ANKS1B: variants seen among roughly 807,000 people sequenced by gnomAD.
ANKS1B encodes the protein ankyrin repeat and sterile alpha motif domain containing 1B.
Under a neutral mutation model 148.3 loss-of-function variants are expected in ANKS1B, and 36 were observed. The ratio of observed to expected loss-of-function variants is 0.24; its 90% confidence interval spans 0.19 to 0.32. The LOEUF (loss-of-function observed/expected upper bound fraction) is 0.32. ANKS1B is among the 10% of genes least tolerant of loss of function. The probability of loss-of-function intolerance (pLI) is 1.00; values close to 1 mark genes in which losing one functional copy is unlikely to be tolerated. For missense variants in ANKS1B, 1,157 were observed against 1,542.6 expected, an observed-to-expected ratio of 0.75 and a Z score of 4.19; for synonymous variants, 542 against 560.8, an observed-to-expected ratio of 0.97 and a Z score of 0.47.
intron 9 of ANKS1B, among the ~76,000 whole-genome samples, chr12:99,518,309 T>G (rs1012820498): frequency 1.3e-5 from 2 of 152,108 alleles, no homozygotes; most frequent in African/African-American, 4.8e-5. Context: ...TTTAAATGTT[T>G]GGTAGAATTC....
rs112109742 is a variant in ANKS1B at position 99,297,905 on chromosome 12, CT to C, written c.1757-51042del. ...CCAAGTTTCCCTGTGGCTTAGATAC[CT>C]TTTTTTTTTGCTTTGTTTTTAATTA... On this transcript the variant is annotated intron_variant, in intron 12 of 26. Transcript: ENST00000683438. Among the ~76,000 whole-genome samples the C allele has an allele frequency of 1.9e-3, 277 of 147,518 alleles. 1 individual carries two copies. Among genetic ancestry groups the C allele is most frequent in the African/African-American group, 6.0e-3 (242 of 40,300 alleles).
intron 17 of ANKS1B, among the ~76,000 whole-genome samples, chr12:99,004,162 T>C (rs1043095238): frequency 5.9e-5 from 9 of 152,100 alleles, no homozygotes; most frequent in Admixed American, 4.6e-4. Flanking sequence ...CGTGGAGCCA[T>C]GGAATGAACA....
chr12:99,801,337 TA>T (rs936388386), intron 4 of ANKS1B, among the ~76,000 whole-genome samples: 2 of 152,082 alleles, frequency 1.3e-5, no homozygotes, highest in African/African-American at 4.8e-5. Flanking sequence ...ACCAGTGAAC[TA>T]AATGAAAACC....
At chr12:99,919,974 A>G (rs887157656) in intron 1 of ANKS1B, among the ~76,000 whole-genome samples, 10 of 152,142 alleles carry the variant, frequency 6.6e-5, no homozygotes, top group Admixed American at 5.2e-4. Flanking sequence ...TTAAATTTAC[A>G]TAAGTGGTTT....
chr12:98,830,111 G>A (rs1158785581), intron 18 of ANKS1B, among the ~76,000 whole-genome samples: 1 of 152,126 alleles, frequency 6.6e-6, no homozygotes, highest in East Asian at 1.9e-4. Flanking sequence ...GAGCCAGAAT[G>A]AGAGGTTCAG....
intron 1 of ANKS1B, among the ~76,000 whole-genome samples, chr12:99,942,671 T>C (rs2094949474): frequency 6.6e-6 from 1 of 152,124 alleles, no homozygotes; most frequent in Non-Finnish European, 1.5e-5. Flanking sequence ...CATAAAATAC[T>C]TGATGTATTC....
chr12:99,364,215 G>A (rs2092643716), intron 12 of ANKS1B, among the ~76,000 whole-genome samples: 2 of 152,094 alleles, frequency 1.3e-5, no homozygotes, highest in East Asian at 3.9e-4. Context: ...ATGGACTCAT[G>A]CAAAGTACAG....
chr12:99,819,033 T>C (rs1441565673), intron 2 of ANKS1B, among the ~76,000 whole-genome samples: 1 of 151,842 alleles, frequency 6.6e-6, no homozygotes, highest in Non-Finnish European at 1.5e-5. Flanking sequence ...TGCTTGTTGA[T>C]TGAGTCCAAA....
intron 14 of ANKS1B, among the ~76,000 whole-genome samples, chr12:99,209,967 C>T (rs1045972227): frequency 1.3e-5 from 2 of 152,154 alleles, no homozygotes; most frequent in African/African-American, 4.8e-5. Flanking sequence ...CTCCCCTACA[C>T]AGAAACATTC....
chr12:99,803,275 A>AAC (rs1555620505), intron 4 of ANKS1B, among the ~76,000 whole-genome samples: 2 of 89,846 alleles, frequency 2.2e-5, no homozygotes, highest in African/African-American at 4.1e-5. Flanking sequence ...TTAAATATTC[A>AAC]CCCCCCCCCA....
intron 9 of ANKS1B, among the ~76,000 whole-genome samples, chr12:99,539,907 G>T (rs908326764): frequency 1.3e-5 from 2 of 151,906 alleles, no homozygotes; most frequent in African/African-American, 2.4e-5. Flanking sequence ...TCCACATGTT[G>T]TCCATAAAAG....
intron 4 of ANKS1B, among the ~76,000 whole-genome samples, chr12:99,798,489 G>A (rs1602377374): frequency 6.6e-6 from 1 of 150,994 alleles, no homozygotes; most frequent in Admixed American, 6.6e-5. Context: ...AACATATGAT[G>A]TCTGAACAAG....
intron 9 of ANKS1B, among the ~76,000 whole-genome samples, chr12:99,556,615 T>C (rs189514523): frequency 6.0e-4 from 92 of 152,346 alleles, no homozygotes; most frequent in Admixed American, 6.0e-3. Flanking sequence ...CTGCTTTAGC[T>C]ATGTCCCAGA....
At chr12:99,532,545 A>T (rs1396649076) in intron 9 of ANKS1B, among the ~76,000 whole-genome samples, 1 of 152,070 alleles carries the variant, frequency 6.6e-6, no homozygotes, top group African/African-American at 2.4e-5. Flanking sequence ...CATTTTTAGT[A>T]CAGACGGGGT....
intron 9 of ANKS1B, among the ~76,000 whole-genome samples, chr12:99,512,276 A>C (rs1410851710): frequency 6.6e-6 from 1 of 152,128 alleles, no homozygotes; most frequent in Non-Finnish European, 1.5e-5. Context: ...AAAAAAAGAC[A>C]TTCATTGTCC....
At chr12:98,740,948 A>C (rs2097795497), downstream of ANKS1B, among the ~76,000 whole-genome samples, 1 of 152,164 alleles carries the variant, frequency 6.6e-6, no homozygotes, top group Non-Finnish European at 1.5e-5. Context: ...TGTGACAATG[A>C]GGCAATCTTG....
At chr12:98,847,651 A>G (rs2099488995) in intron 17 of ANKS1B, among the ~76,000 whole-genome samples, 1 of 152,044 alleles carries the variant, frequency 6.6e-6, no homozygotes, top group Admixed American at 6.6e-5. Flanking sequence ...GCTGGAGTGC[A>G]GTGGAGAGAT....
At chr12:98,975,105 A>G (rs1240403798) in intron 17 of ANKS1B, among the ~76,000 whole-genome samples, 1 of 90,820 alleles carries the variant, frequency 1.1e-5, no homozygotes, top group South Asian at 3.7e-4. Flanking sequence ...CCTCCCTCCT[A>G]CTTTCTTCTG....
intron 1 of ANKS1B, among the ~76,000 whole-genome samples, chr12:99,839,204 C>T (rs1235076627): frequency 6.6e-6 from 1 of 151,938 alleles, no homozygotes; most frequent in East Asian, 1.9e-4. Flanking sequence ...AGCAATACCT[C>T]ATCTTTAAAA....
Sources: gnomAD v4.1 joint callset for allele counts (sites outside exome capture counted in the v4.1 genomes callset) on GRCh38, gnomAD v4.1.1 for gene constraint, MANE v1.5 for transcripts, NCBI Gene and HGNC (gene_info 2026-07-23, HGNC 2026-07-21) for gene names.